The following EHMT1 variants were observed in gnomAD, a reference collection of about 807,000 sequenced individuals.
The protein encoded by EHMT1 is histone-lysine N-methyltransferase EHMT1.
In EHMT1, 15 loss-of-function variants were observed where a neutral mutation model predicts 147.2. That is an observed-to-expected ratio of 0.10 (90% CI 0.07 to 0.16). The LOEUF (loss-of-function observed/expected upper bound fraction) is 0.16. EHMT1 is among the 10% of genes least tolerant of loss of function. The probability of loss-of-function intolerance (pLI) is 1.00; values close to 1 mark genes in which losing one functional copy is unlikely to be tolerated. For synonymous variants in EHMT1, 795 were observed against 709.6 expected, an observed-to-expected ratio of 1.12 and a Z score of -1.91; for missense variants, 1,587 against 1,772.4, an observed-to-expected ratio of 0.90 and a Z score of 1.88.
At chr9:137,714,829 A>G (rs1480561732) in intron 2 of EHMT1, among the ~76,000 whole-genome samples, 2 of 152,128 alleles carry the variant, frequency 1.3e-5, no homozygotes, top group Admixed American at 1.3e-4. Flanking sequence ...GATTACAGGC[A>G]TGAGCCACCA....
chr9:137,699,416 T>G (rs1943655849), intron 1 of EHMT1, among the ~76,000 whole-genome samples: 1 of 152,182 alleles, frequency 6.6e-6, no homozygotes, highest in African/African-American at 2.4e-5. Context: ...CTCACACCTG[T>G]AATCCCAGCA....
intron 1 of EHMT1, among the ~76,000 whole-genome samples, chr9:137,672,409 CGGT>C (rs1053178882): frequency 1.3e-5 from 2 of 152,054 alleles, no homozygotes; most frequent in African/African-American, 2.4e-5. Flanking sequence ...AACACTAACT[CGGT>C]GGCATTTTCA....
At chr9:137,620,686 C>T (rs1842900219) in intron 1 of EHMT1, among the ~76,000 whole-genome samples, 1 of 152,170 alleles carries the variant, frequency 6.6e-6, no homozygotes, top group African/African-American at 2.4e-5. Flanking sequence ...AGCCATTGTG[C>T]CCGTCCTGTT....
At chr9:137,728,159 C>A (rs1946791811) in intron 3 of EHMT1, among the ~76,000 whole-genome samples, 190 bp from the exon 4 acceptor site, 1 of 152,206 alleles carries the variant, frequency 6.6e-6, no homozygotes, top group Non-Finnish European at 1.5e-5. Flanking sequence ...CCTAACCCAT[C>A]TGAGGGGCAA....
chr9:137,706,004 T>A (rs1423129558), intron 1 of EHMT1, among the ~76,000 whole-genome samples: 1 of 138,282 alleles, frequency 7.2e-6, no homozygotes, highest in African/African-American at 2.7e-5. Flanking sequence ...GGAGTGGACC[T>A]GGACCCTTCA....
At chr9:137,761,078 C>G (rs559566993) in intron 9 of EHMT1, among the ~76,000 whole-genome samples, 2 of 152,168 alleles carry the variant, frequency 1.3e-5, no homozygotes, top group Non-Finnish European at 2.9e-5. Context: ...GATTCATGAA[C>G]GAGGCAGCTC....
In EHMT1 at chr9:137,683,691, G is replaced by A. The variant is rs147667396; in HGVS notation, c.22-27276G>A. Among the ~76,000 whole-genome samples, 109 of 152,196 alleles carry A rather than the reference G, an allele frequency of 7.2e-4. 3 individuals carry two copies. The highest frequency in any genetic ancestry group is 6.0e-3 in the East Asian group (31 of 5,178). ...ATGTGTAAATTATACCTTTATCAGC[G>A]TATTTGCACAGAAAAATGTTTGGAA... is the stretch of plus-strand genomic sequence containing the variant. On this transcript the variant is annotated intron_variant, in intron 1 of 26. Coordinates refer to ENST00000460843, the MANE Select transcript of EHMT1 (RefSeq NM_024757.5).
At chr9:137,687,886 C>T (rs761547351) in intron 1 of EHMT1, among the ~76,000 whole-genome samples, 1 of 152,212 alleles carries the variant, frequency 6.6e-6, no homozygotes, top group Non-Finnish European at 1.5e-5. Context: ...ACCGTCTTCA[C>T]GGTGTGGTCT....
chr9:137,621,130 G>A (rs1842921111), intron 1 of EHMT1, among the ~76,000 whole-genome samples: 1 of 152,132 alleles, frequency 6.6e-6, no homozygotes, highest in Admixed American at 6.5e-5. Flanking sequence ...GTCATTTTAG[G>A]TTAATAAAAG....
At chr9:137,777,775 G>A in intron 12 of EHMT1, 107 bp from the exon 13 acceptor site, 1 of 1,497,432 alleles carries the variant, frequency 6.7e-7, no homozygotes, top group Admixed American at 1.7e-5. Context: ...CGGACAGTAA[G>A]CAAATCCGCA....
chr9:137,670,532 C>T (rs962281529), intron 1 of EHMT1, among the ~76,000 whole-genome samples: 4 of 152,132 alleles, frequency 2.6e-5, no homozygotes, highest in Admixed American at 6.5e-5. Context: ...TCATGGCTTC[C>T]CATCTGCCTC....
intron 1 of EHMT1, among the ~76,000 whole-genome samples, chr9:137,643,143 C>G (rs1361259286): frequency 6.6e-6 from 1 of 151,958 alleles, no homozygotes; most frequent in Non-Finnish European, 1.5e-5. Flanking sequence ...TTGAGTCTTC[C>G]AAGGTGTTGC....
intron 1 of EHMT1, among the ~76,000 whole-genome samples, chr9:137,680,051 T>C (rs1941789139): frequency 6.6e-6 from 1 of 152,162 alleles, no homozygotes; most frequent in Admixed American, 6.5e-5. Context: ...ACGTTGTATC[T>C]GTATCTTGTA....
chr9:137,739,199 G>A (rs1300602276), intron 4 of EHMT1, among the ~76,000 whole-genome samples: 2 of 151,616 alleles, frequency 1.3e-5, no homozygotes, highest in Admixed American at 6.6e-5. Context: ...GTGAAACCTC[G>A]TCTCTACTAA....
chr9:137,797,736 C>T (rs1228132923), intron 16 of EHMT1, among the ~76,000 whole-genome samples: 5 of 151,560 alleles, frequency 3.3e-5, no homozygotes, highest in East Asian at 1.9e-4. Context: ...GTGATGCCTG[C>T]GAAACTCTAT....
chr9:137,717,043 T>C lies in EHMT1; in HGVS notation c.503T>C (p.Phe168Ser). 1 of 1,606,896 alleles carries C rather than the reference T, an allele frequency of 6.2e-7. No homozygotes were observed. The highest frequency in any genetic ancestry group is 8.5e-7 in the Non-Finnish European group (1 of 1,175,840). ...GGCAAAGGCAGGACTCCAAGCGCTT[T>C]TCCCCAGACGCCAGCCGCCCCACCA... ...GAGKGRTPSA[F>S]PQTPAAPPAT... is the part of the protein sequence containing the mutation. The change falls in exon 3 of 27, where the codon TTT (phenylalanine) becomes TCT (serine). Residue 168 changes from phenylalanine to serine, a missense_variant. Physicochemically the swap from Phe to Ser is radical, Grantham distance 155. Transcript: ENST00000460843.
At chr9:137,682,429 A>AT (rs1564581724) in intron 1 of EHMT1, among the ~76,000 whole-genome samples, 1 of 152,150 alleles carries the variant, frequency 6.6e-6, no homozygotes, top group Non-Finnish European at 1.5e-5. Context: ...CTAAGAAGTC[A>AT]TTTTTTGACT....
Position 137,693,356 on chromosome 9 carries a change from C to A in EHMT1, c.22-17611C>A, listed in dbSNP as rs372101845. On this transcript the variant is annotated intron_variant, in intron 1 of 26. Coordinates refer to ENST00000460843, the MANE Select transcript of EHMT1 (RefSeq NM_024757.5). ...TAATCAATTCAGAACTTAGGCATCA[C>A]CCACAGTCCTGAGTCCTGCAGCCCC... is the stretch of plus-strand genomic sequence containing the variant. 1.4e-3 allele frequency among the ~76,000 whole-genome samples: 220 copies of A among 152,224 alleles called. 7 individuals are homozygous for A. In the South Asian group the frequency reaches 0.044, roughly 30 times the overall value.
At chr9:137,660,373 T>C (rs1395655480) in intron 1 of EHMT1, among the ~76,000 whole-genome samples, 1 of 152,100 alleles carries the variant, frequency 6.6e-6, no homozygotes, top group Non-Finnish European at 1.5e-5. Context: ...ATGTGTATAA[T>C]CATTTTTCCT....
Sources: gnomAD v4.1 joint callset for allele counts (sites outside exome capture counted in the v4.1 genomes callset) on GRCh38, gnomAD v4.1.1 for gene constraint, MANE v1.5 for transcripts, NCBI Gene and HGNC (gene_info 2026-07-23, HGNC 2026-07-21) for gene names.